Variants in BLTP1 observed in about 807,000 individuals in gnomAD.
BLTP1 encodes the protein fragile site-associated protein.
the BLTP1 span, chr4:122,187,548 G>A: frequency 6.4e-7 from 1 of 1,565,758 alleles, no homozygotes; most frequent in Non-Finnish European, 8.6e-7. Flanking sequence ...GTTTCATGGG[G>A]TAGTAATGTA....
chr4:122,219,826 T>C, the BLTP1 span, among the ~76,000 whole-genome samples: 1 of 152,228 alleles, frequency 6.6e-6, no homozygotes, highest in Non-Finnish European at 1.5e-5. Flanking sequence ...CATCGTGTCA[T>C]ACATTGAGTT....
chr4:122,324,346 G>A, the BLTP1 span: 1 of 1,382,218 alleles, frequency 7.2e-7, no homozygotes, highest in Non-Finnish European at 9.7e-7. Context: ...TTATTTAATA[G>A]TAGAATATTT....
the BLTP1 span, chr4:122,324,622 A>T: frequency 9.5e-7 from 1 of 1,054,954 alleles, no homozygotes; most frequent in African/African-American, 1.6e-5. Flanking sequence ...TTCTAATTAT[A>T]AAATTAAGAT....
chr4:122,272,413 T>C, the BLTP1 span: 1 of 1,603,636 alleles, frequency 6.2e-7, no homozygotes, highest in East Asian at 2.2e-5. Flanking sequence ...AAGGTATGAA[T>C]GATTTTTCTA....
At chr4:122,260,281 C>T in the BLTP1 span, among the ~76,000 whole-genome samples, 1 of 152,222 alleles carries the variant, frequency 6.6e-6, no homozygotes, top group East Asian at 1.9e-4. Context: ...CTGTTGTATA[C>T]GTTGCCTGTA....
At chr4:122,188,383 TG>T in the BLTP1 span, 1 of 231,622 alleles carries the variant, frequency 4.3e-6, no homozygotes, top group African/African-American at 2.3e-5. Flanking sequence ...CCTGTTTGTA[TG>T]TTAGGAGATA....
At chr4:122,207,516 T>TC in the BLTP1 span, 574 of 1,161,418 alleles carry the variant, frequency 4.9e-4, no homozygotes, top group East Asian at 3.1e-3. Context: ...TTTTTCTTCT[T>TC]TTTTTTTTTT....
At chr4:122,334,118 A>C in the BLTP1 span, 1 of 179,742 alleles carries the variant, frequency 5.6e-6, no homozygotes, top group East Asian at 1.9e-4. Context: ...GAATTATAGA[A>C]TCATAGACTA....
the BLTP1 span, chr4:122,281,758 A>G: frequency 6.5e-7 from 1 of 1,549,266 alleles, no homozygotes; most frequent in East Asian, 2.3e-5. Context: ...GAAGAATGAG[A>G]AGTCATGGAA....
the BLTP1 span, among the ~76,000 whole-genome samples, chr4:122,279,540 T>C: frequency 4.6e-5 from 7 of 152,304 alleles, no homozygotes; most frequent in African/African-American, 1.2e-4. Context: ...TGATATCTTA[T>C]CCTTCTTGGT....
chr4:122,188,607 AT>A, the BLTP1 span, among the ~76,000 whole-genome samples: 14,156 of 144,024 alleles, frequency 0.098, 700 homozygotes, highest in African/African-American at 0.15. Context: ...CTAGCTTTCC[AT>A]TTTTTTTTTT....
At chr4:122,309,370 T>C in the BLTP1 span, 1 of 1,613,444 alleles carries the variant, frequency 6.2e-7, no homozygotes, top group Non-Finnish European at 8.5e-7. Context: ...GCAAAGGGCA[T>C]TTCAAAAACT....
chr4:122,174,957 T>A, the BLTP1 span: 1 of 764,806 alleles, frequency 1.3e-6, no homozygotes, highest in Non-Finnish European at 1.6e-6. Flanking sequence ...TCATTCGTTA[T>A]ATACAGCAAG....
At chr4:122,218,306 C>T in the BLTP1 span, among the ~76,000 whole-genome samples, 1 of 152,146 alleles carries the variant, frequency 6.6e-6, no homozygotes, top group Admixed American at 6.5e-5. Flanking sequence ...GTCCATGCTT[C>T]AGAATTGTAT....
the BLTP1 span, among the ~76,000 whole-genome samples, chr4:122,266,462 T>G: frequency 2.0e-5 from 3 of 152,310 alleles, no homozygotes; most frequent in South Asian, 6.2e-4. Flanking sequence ...ATACCTGTTT[T>G]AAAAGCAAGA....
chr4:122,298,926 AGTAATTGTT>A, the BLTP1 span: 4 of 985,306 alleles, frequency 4.1e-6, no homozygotes, highest in Non-Finnish European at 4.8e-6. Flanking sequence ...AAAGACTTGC[AGTAATTGTT>A]GTGAGGAGTG....
the BLTP1 span, chr4:122,339,087 T>C: frequency 1.7e-6 from 2 of 1,186,572 alleles, no homozygotes; most frequent in Non-Finnish European, 2.3e-6. Context: ...TGATATACTT[T>C]ATTTCTTTCT....
the BLTP1 span, chr4:122,274,384 C>A: frequency 6.2e-7 from 1 of 1,601,076 alleles, no homozygotes; most frequent in South Asian, 1.1e-5. Flanking sequence ...TGCTACTGCT[C>A]ATATTGGTGG....
At chr4:122,183,997 C>T in the BLTP1 span, among the ~76,000 whole-genome samples, 3 of 151,446 alleles carry the variant, frequency 2.0e-5, no homozygotes, top group Admixed American at 2.0e-4. Flanking sequence ...ATCTTGTTAA[C>T]AATATGGCTT....
Sources: allele counts gnomAD v4.1 joint callset (sites outside exome capture counted in the v4.1 genomes callset), GRCh38; gene constraint gnomAD v4.1.1; transcripts MANE v1.5; gene names NCBI Gene and HGNC (gene_info 2026-07-23, HGNC 2026-07-21).